SLC15A5: variants seen among roughly 807,000 people sequenced by gnomAD.
SLC15A5 encodes Peptide/histidine transporter ENSP00000340402.
A neutral mutation model predicts 56.1 loss-of-function variants in SLC15A5; 58 were observed. That is an observed-to-expected ratio of 1.03 (90% CI 0.84 to 1.29). The LOEUF is 1.29. Ranked by LOEUF, SLC15A5 falls within the 50% of genes most tolerant of loss-of-function variation. The pLI, the probability that SLC15A5 is intolerant of heterozygous loss-of-function variation, is 0.00. For missense variants in SLC15A5, 681 were observed against 672.1 expected, an observed-to-expected ratio of 1.01 and a Z score of -0.15; for synonymous variants, 264 against 250.5, an observed-to-expected ratio of 1.05 and a Z score of -0.51.
At chr12:16,276,303 C>T (rs1409253427) in intron 1 of SLC15A5, among the ~76,000 whole-genome samples, 1 of 151,928 alleles carries the variant, frequency 6.6e-6, no homozygotes, top group Non-Finnish European at 1.5e-5. Flanking sequence ...GATATCTATC[C>T]ATCTCTTTCT....
chr12:16,251,548 C>G (rs193236273), intron 3 of SLC15A5, among the ~76,000 whole-genome samples: 105 of 151,752 alleles, frequency 6.9e-4, no homozygotes, highest in Non-Finnish European at 1.4e-3. Flanking sequence ...AAGAATTGTA[C>G]GCCAACAAAT....
intron 3 of SLC15A5, among the ~76,000 whole-genome samples, 162 bp from the exon 4 acceptor site, chr12:16,244,962 T>C (rs1439791147): frequency 6.6e-6 from 1 of 152,222 alleles, no homozygotes; most frequent in Non-Finnish European, 1.5e-5. Flanking sequence ...CTGACAGTGA[T>C]TCTGGCATCC....
intron 5 of SLC15A5, among the ~76,000 whole-genome samples, chr12:16,226,749 GT>G (rs1864245693): frequency 6.6e-6 from 1 of 152,104 alleles, no homozygotes. Context: ...TTATCTAGAA[GT>G]TTTTTGTTGA....
At chr12:16,254,323 A>T (rs1320040952) in intron 3 of SLC15A5, among the ~76,000 whole-genome samples, 1 of 152,214 alleles carries the variant, frequency 6.6e-6, no homozygotes, top group East Asian at 1.9e-4. Flanking sequence ...AAGGACTAGG[A>T]GGAGTGGGGA....
At chr12:16,263,709 G>A (rs1382515048) in intron 2 of SLC15A5, among the ~76,000 whole-genome samples, 3 of 152,072 alleles carry the variant, frequency 2.0e-5, no homozygotes, top group African/African-American at 7.2e-5. Flanking sequence ...TGTAGTCTAG[G>A]GACTTGGTGC....
intron 7 of SLC15A5, among the ~76,000 whole-genome samples, chr12:16,206,729 G>A (rs930209638): frequency 1.3e-5 from 2 of 152,128 alleles, no homozygotes; most frequent in African/African-American, 4.8e-5. Context: ...GCTGCATCAC[G>A]ACTTTAATGT....
chr12:16,259,684 T>A (rs1474965889), intron 2 of SLC15A5, among the ~76,000 whole-genome samples: 2 of 152,206 alleles, frequency 1.3e-5, no homozygotes, highest in Non-Finnish European at 2.9e-5. Context: ...GCTGTGTGAG[T>A]ACAATAATGG....
At chr12:16,209,959 T>C (rs117557891) in intron 7 of SLC15A5, among the ~76,000 whole-genome samples, 3 of 152,172 alleles carry the variant, frequency 2.0e-5, no homozygotes, top group Admixed American at 6.6e-5. Context: ...ACCATTCTTA[T>C]AGCATTCAAG....
intron 3 of SLC15A5, among the ~76,000 whole-genome samples, chr12:16,251,242 G>T (rs1864515630): frequency 2.0e-5 from 3 of 151,628 alleles, no homozygotes; most frequent in African/African-American, 7.3e-5. Context: ...TAATAAAGAA[G>T]AATGATCTCA....
intron 1 of SLC15A5, among the ~76,000 whole-genome samples, chr12:16,275,361 G>A (rs1263681244): frequency 2.6e-5 from 4 of 151,996 alleles, no homozygotes; most frequent in Non-Finnish European, 5.9e-5. Flanking sequence ...CTAGAGAGGT[G>A]AACTTAGAAT....
chr12:16,206,679 A>C (rs759770886), intron 7 of SLC15A5, among the ~76,000 whole-genome samples: 4 of 152,210 alleles, frequency 2.6e-5, no homozygotes, highest in Non-Finnish European at 5.9e-5. Context: ...ATTGGGCCTC[A>C]GATCTGCACA....
intron 8 of SLC15A5, among the ~76,000 whole-genome samples, chr12:16,194,134 T>G (rs1199542309): frequency 6.6e-6 from 1 of 152,066 alleles, no homozygotes; most frequent in Non-Finnish European, 1.5e-5. Flanking sequence ...TAGGATATGT[T>G]TTAGAATTTG....
At chr12:16,266,477 T>A (rs551083705) in intron 2 of SLC15A5, among the ~76,000 whole-genome samples, 161 of 152,300 alleles carry the variant, frequency 1.1e-3, no homozygotes, top group African/African-American at 3.7e-3. Context: ...AATATGTATG[T>A]CTAGGAAGAG....
chr12:16,243,937 C>G lies in SLC15A5; in HGVS notation c.975+643G>C, dbSNP rs1864437037. 6.6e-6 allele frequency among the ~76,000 whole-genome samples: 1 copy of G among 152,148 alleles called. No individual in the cohort carries two copies. Among genetic ancestry groups the G allele is most frequent in the African/African-American group, 2.4e-5 (1 of 41,426 alleles). On this transcript the variant is annotated intron_variant, in intron 4 of 8. Coordinates refer to ENST00000344941, the MANE Select transcript of SLC15A5 (RefSeq NM_001170798.1). The surrounding 1 kb of genome is among the most constrained non-coding windows in gnomAD (Gnocchi z 4.4). ...CAATGAACAAAGTCCCAGATTTGTT[C>G]AAATACTTTTGTAATCATTTATTTT...
At position 16,222,899 on chromosome 12, in the gene SLC15A5, T is replaced by G. The variant is rs552944199; in HGVS notation, c.1351+1515A>C. Among the ~76,000 whole-genome samples the G allele has an allele frequency of 3.3e-5, 5 of 152,336 alleles. No individual in the cohort carries two copies. The South Asian group carries it at 1.0e-3, about 32-fold the overall frequency. On this transcript the variant is annotated intron_variant, in intron 6 of 8. Transcript: ENST00000344941. ...ATAACATCAGAGAAGATCACAAATA[T>G]TTGTGTAGTAGCATTGCTTTACACT...
At chr12:16,192,293 T>A (rs896873864) in intron 8 of SLC15A5, among the ~76,000 whole-genome samples, 1 of 152,046 alleles carries the variant, frequency 6.6e-6, no homozygotes, top group African/African-American at 2.4e-5. Context: ...CTTTATTCCC[T>A]CCCTAAGAAA....
At chr12:16,197,969 C>G (rs1303359182) in intron 7 of SLC15A5, among the ~76,000 whole-genome samples, 1 of 152,076 alleles carries the variant, frequency 6.6e-6, no homozygotes, top group Non-Finnish European at 1.5e-5. Flanking sequence ...GACTTGAGGT[C>G]TAGAATGAGG....
At chr12:16,277,129 A>AAAAC (rs113144724) in intron 1 of SLC15A5, among the ~76,000 whole-genome samples, 196 bp downstream of exon 1, 2 of 150,168 alleles carry the variant, frequency 1.3e-5, no homozygotes, top group African/African-American at 4.9e-5. Flanking sequence ...AACATTCTCT[A>AAAAC]ACACACACAC....
chr12:16,272,479 C>T, intron 2 of SLC15A5, 82 bp downstream of exon 2: 5 of 1,286,794 alleles, frequency 3.9e-6, no homozygotes, highest in Non-Finnish European at 1.1e-6. Context: ...AAAGACTGAG[C>T]AACTACTACC....
Sources: allele counts gnomAD v4.1 joint callset (sites outside exome capture counted in the v4.1 genomes callset), GRCh38; gene constraint gnomAD v4.1.1; non-coding constraint Gnocchi (gnomAD v3.1); transcripts MANE v1.5; gene names NCBI Gene and HGNC (gene_info 2026-07-23, HGNC 2026-07-21).